The following TTLL5 variants were observed in gnomAD, a reference collection of about 807,000 sequenced individuals.
TTLL5 encodes the protein tubulin polyglutamylase TTLL5.
TTLL5 carries 132 observed loss-of-function variants against 168.4 expected under a neutral mutation model. That is an observed-to-expected ratio of 0.78 (90% confidence interval 0.68 to 0.91). The LOEUF (loss-of-function observed/expected upper bound fraction) is 0.91. Ranked by LOEUF, TTLL5 falls within the 40% of genes least tolerant of loss-of-function variation. The pLI is 0.00. For synonymous variants in TTLL5, 546 were observed against 558.6 expected (o/e 0.98, Z 0.32); for missense variants, 1,545 against 1,581.5 (o/e 0.98, Z 0.39).
At chr14:75,714,023 C>T (rs967848608) in intron 9 of TTLL5, among the ~76,000 whole-genome samples, 2 of 151,854 alleles carry the variant, frequency 1.3e-5, no homozygotes, top group Non-Finnish European at 2.9e-5. Context: ...GTCGGGTCTC[C>T]GTAGTCTCCT....
At chr14:75,853,181 C>G (rs1896962381) in intron 28 of TTLL5, among the ~76,000 whole-genome samples, 1 of 152,206 alleles carries the variant, frequency 6.6e-6, no homozygotes, top group Non-Finnish European at 1.5e-5. Flanking sequence ...ATCCACAGGA[C>G]TCATTTACAC....
chr14:75,894,303 G>A (rs1429863582), intron 30 of TTLL5, among the ~76,000 whole-genome samples: 1 of 152,216 alleles, frequency 6.6e-6, no homozygotes, highest in African/African-American at 2.4e-5. Flanking sequence ...TGTAATCCTA[G>A]CACTTTGGGA....
intron 21 of TTLL5, among the ~76,000 whole-genome samples, chr14:75,773,927 T>TATATATATATATAG (rs1354936334): frequency 9.5e-5 from 2 of 21,130 alleles, no homozygotes; most frequent in Non-Finnish European, 1.9e-4. Context: ...TATATATATA[T>TATATATATATATAG]AGAGAGAGAG....
chr14:75,779,955 T>A (rs915523646), intron 24 of TTLL5, among the ~76,000 whole-genome samples: 9 of 152,144 alleles, frequency 5.9e-5, no homozygotes, highest in Non-Finnish European at 1.0e-4. Flanking sequence ...TAATAGCTGA[T>A]ATTTAGTGAA....
intron 4 of TTLL5, among the ~76,000 whole-genome samples, chr14:75,682,617 A>G (rs958094204): frequency 1.3e-5 from 2 of 152,260 alleles, no homozygotes; most frequent in African/African-American, 2.4e-5. Flanking sequence ...TTCTCCAAAG[A>G]AAGTTGGAAG....
chr14:75,717,808 T>G, intron 9 of TTLL5, 53 bp from the exon 10 acceptor site: 1 of 1,533,128 alleles, frequency 6.5e-7, no homozygotes, highest in East Asian at 2.3e-5. Context: ...AGTTCCAGCC[T>G]GTATTTCCTT....
At chr14:75,808,846 G>A (rs1021759363) in intron 27 of TTLL5, among the ~76,000 whole-genome samples, 2 of 151,596 alleles carry the variant, frequency 1.3e-5, no homozygotes, top group South Asian at 2.1e-4. Flanking sequence ...GACTGATCTC[G>A]AACTCCTGGG....
chr14:75,671,361 G>A (rs1365007062), intron 3 of TTLL5, among the ~76,000 whole-genome samples: 1 of 152,134 alleles, frequency 6.6e-6, no homozygotes, highest in Non-Finnish European at 1.5e-5. Context: ...TCTTTTTCAA[G>A]ATCTCTGGCC....
intron 26 of TTLL5, among the ~76,000 whole-genome samples, chr14:75,790,517 G>C (rs1261415125): frequency 6.6e-6 from 1 of 150,880 alleles, no homozygotes; most frequent in African/African-American, 2.4e-5. Flanking sequence ...TGTCACCCAG[G>C]CTGGAGTTTA....
rs111532458 is a variant in TTLL5 at position 75,739,787 on chromosome 14, A to G, written c.1281+4498A>G. On this transcript the variant is annotated intron_variant, in intron 15 of 31. Transcript: ENST00000298832. ...CAGTGAGGAAGAAATGATAAAATGG[A>G]GGTAAAATATTCAGGATAAGTGCTA... Among the ~76,000 whole-genome samples, 1,390 of 152,322 alleles carry G rather than the reference A, an allele frequency of 9.1e-3. 29 individuals are homozygous for G. The highest frequency in any genetic ancestry group is 0.032 in the African/African-American group (1,334 of 41,566).
intron 18 of TTLL5, 91 bp from the exon 19 acceptor site, chr14:75,764,524 T>A (rs566122344): frequency 6.8e-7 from 1 of 1,473,964 alleles, no homozygotes; most frequent in Admixed American, 1.8e-5. Flanking sequence ...ATGTCCAGTA[T>A]GTCAGCATTA....
intron 31 of TTLL5, among the ~76,000 whole-genome samples, chr14:75,917,329 C>T (rs1375232971): frequency 4.6e-5 from 7 of 152,220 alleles, no homozygotes; most frequent in Admixed American, 6.5e-5. Context: ...CCAAGCCACA[C>T]GGTCAATGAT....
Position 75,883,037 on chromosome 14 carries a change from C to T in TTLL5, c.3740+135C>T, listed in dbSNP as rs2031901691. 21 of 985,440 alleles carry T rather than the reference C, an allele frequency of 2.1e-5. No homozygotes were observed. The South Asian group carries it at 3.8e-4, about 18-fold the overall frequency. The allele number at this position is 985,440 out of a possible 1,614,324, so 61.0% of individuals were successfully genotyped here. A position where few individuals can be genotyped will look rare whatever the true frequency, so the allele number is the denominator to read the frequency against. On this transcript the variant is annotated intron_variant, in intron 30 of 31. Coordinates refer to ENST00000298832, the MANE Select transcript of TTLL5 (RefSeq NM_015072.5). Reference sequence around the variant, plus strand: ...ACACCTGCTGGGAAATAAAGGCTAACCCTAGTTCTCAGCGTGGGCTACAAA... The same window carrying T: ...ACACCTGCTGGGAAATAAAGGCTAATCCTAGTTCTCAGCGTGGGCTACAAA...
At chr14:75,920,103 G>GA (rs1367543620) in intron 31 of TTLL5, among the ~76,000 whole-genome samples, 1 of 148,526 alleles carries the variant, frequency 6.7e-6, no homozygotes, top group Non-Finnish European at 1.5e-5. Context: ...GCCTGGGTGA[G>GA]AGTGAGATCC....
chr14:75,826,145 T>A (rs955582363), intron 28 of TTLL5, among the ~76,000 whole-genome samples: 12 of 152,184 alleles, frequency 7.9e-5, no homozygotes, highest in African/African-American at 2.9e-4. Context: ...AACGTGGATC[T>A]TTCTTATCCA....
chr14:75,891,528 T>C (rs1171781333), intron 30 of TTLL5, among the ~76,000 whole-genome samples: 1 of 152,092 alleles, frequency 6.6e-6, no homozygotes, highest in Non-Finnish European at 1.5e-5. Flanking sequence ...TCTGCTTGCA[T>C]GGTTTGTTTT....
rs549905614 is a variant in TTLL5, at chr14:75,904,294, T to C, written c.3823+2070T>C. 169 of 1,056,558 alleles carry C rather than the reference T, an allele frequency of 1.6e-4. 1 individual carries two copies. The South Asian group carries it at 2.6e-3, about 16-fold the overall frequency. 65.4% of individuals were successfully genotyped at this position (1,056,558 alleles called of 1,614,324 possible). On this transcript the variant is annotated intron_variant, in intron 31 of 31. Transcript: ENST00000298832. ...AGTAAACCTTCACCTGGGATTGTTA[T>C]GAACTGCGAAGTAATGGCACAAGGG...
intron 31 of TTLL5, among the ~76,000 whole-genome samples, chr14:75,914,033 A>AATATATAT (rs1182456559): frequency 1.7e-4 from 12 of 71,080 alleles, no homozygotes; most frequent in African/African-American, 6.2e-4. Context: ...AAAAAAAAAA[A>AATATATAT]ATATATATAT....
chr14:75,733,499 A>T (rs35192842), intron 13 of TTLL5, among the ~76,000 whole-genome samples: 38 of 151,968 alleles, frequency 2.5e-4, no homozygotes, highest in Admixed American at 6.6e-4. Context: ...CTGCAAGCCT[A>T]AGAAATTTGT....
Sources: gnomAD v4.1 joint callset for allele counts (sites outside exome capture counted in the v4.1 genomes callset) on GRCh38, gnomAD v4.1.1 for gene constraint, MANE v1.5 for transcripts, NCBI Gene and HGNC (gene_info 2026-07-23, HGNC 2026-07-21) for gene names.